SFRP5: variants seen among roughly 807,000 people sequenced by gnomAD.
The protein encoded by SFRP5 is secreted frizzled related protein 5.
In SFRP5, 22 loss-of-function variants were observed where a neutral mutation model predicts 27.0. The observed-to-expected ratio is 0.82, with a 90% CI of 0.58 to 1.17. The LOEUF is 1.17. Among genes scored for constraint, SFRP5 ranks in the 50% most tolerant of loss-of-function variants. SFRP5 has a pLI of 0.00. For synonymous variants in SFRP5, 171 were observed against 195.0 expected (o/e 0.88, Z 1.03); for missense variants, 406 against 436.6 (o/e 0.93, Z 0.63).
rs1564848275 is a variant in SFRP5, at chr10:97,767,783, G to A, written c.685C>T (p.Leu229=). 1.3e-6 allele frequency: 2 copies of A among 1,561,776 alleles called. No individual in the cohort carries two copies. The highest frequency in any genetic ancestry group is 4.5e-5 in the East Asian group (2 of 44,350). The part of the protein sequence containing the change: ...KLIGAQKKKK[L]LKPGPLKRKD... ...CGCTTCAGGGGGCCCGGCTTGAGCA[G>A]CTTCTTCTTTTTCTGGGCTCCAATC... Residue 229 remains leucine (L), a synonymous_variant, in exon 3 of 3, where the codon CTG becomes TTG. Coordinates refer to ENST00000266066, the MANE Select transcript of SFRP5 (RefSeq NM_003015.3).
chr10:97,769,467 A>G (rs1321500945), intron 2 of SFRP5, among the ~76,000 whole-genome samples: 1 of 152,204 alleles, frequency 6.6e-6, no homozygotes, highest in Non-Finnish European at 1.5e-5. Flanking sequence ...GGGACTTGTG[A>G]TGGTCCTGAG....
At chr10:97,768,974 A>G (rs1360276440) in intron 2 of SFRP5, among the ~76,000 whole-genome samples, 1 of 152,132 alleles carries the variant, frequency 6.6e-6, no homozygotes, top group Non-Finnish European at 1.5e-5. Context: ...ACCCCTTGCA[A>G]TAGCAGTATT....
In SFRP5 at chr10:97,771,692, A is replaced by C; in HGVS notation, c.142T>G (p.Ser48Ala). 6.3e-7 allele frequency: 1 copy of C among 1,599,406 alleles called. No homozygotes were observed. The highest frequency in any genetic ancestry group is 8.5e-7 in the Non-Finnish European group (1 of 1,179,468). The part of the protein sequence containing the change: ...QAEPLHGRSY[S>A]KPPQCLDIPA... ...ATGTCAAGGCACTGCGGCGGCTTGG[A>C]GTAGGAGCGGCCGTGCAGCGGCTCG... Residue 48 changes from serine (S) to alanine (A), a missense_variant, in exon 1 of 3, where the codon TCC becomes GCC. Coordinates refer to ENST00000266066, the MANE Select transcript of SFRP5 (RefSeq NM_003015.3). This position sits in a 1 kb window ranked among gnomAD's most constrained non-coding sequence, Gnocchi z 5.2.
rs766490404 is a variant in SFRP5, at chr10:97,771,587, C to T, written c.247G>A (p.Ala83Thr). The T allele has an allele frequency of 3.1e-6, 5 of 1,611,748 alleles. No homozygotes were observed. The Admixed American group carries it at 8.3e-5, about 27-fold the overall frequency. The stretch of plus-strand genomic sequence containing the variant: ...CTGCTCGCCTGCTGCTTCACTTCGG[C>T]CAGGCTCTCGTGCTCCAGCAGGTTG... ...LPNLLEHESLAEVKQQASSWL... is the reference protein window; with the variant it reads ...LPNLLEHESLTEVKQQASSWL... Residue 83 changes from alanine (A) to threonine (T), a missense_variant, in exon 1 of 3, where the codon GCC becomes ACC. Coordinates refer to ENST00000266066, the MANE Select transcript of SFRP5 (RefSeq NM_003015.3). This position sits in a 1 kb window ranked among gnomAD's most constrained non-coding sequence, Gnocchi z 5.2.
Position 97,771,518 on chromosome 10 carries a change from C to T in SFRP5, c.316G>A (p.Val106Ile). The change falls in exon 1 of 3, where the codon GTC (valine) becomes ATC (isoleucine). Residue 106 changes from valine to isoleucine, a missense_variant. Coordinates refer to ENST00000266066, the MANE Select transcript of SFRP5 (RefSeq NM_003015.3). This position sits in a 1 kb window ranked among gnomAD's most constrained non-coding sequence, Gnocchi z 5.2. Reference protein sequence around the residue: ...LAKRCHSDTQVFLCSLFAPVC... With the variant: ...LAKRCHSDTQIFLCSLFAPVC... Reference sequence around the variant, plus strand: ...GGCGCAAAGAGCGAGCACAGGAAGACCTGCGTATCCGAGTGGCAGCGCTTG... The same window carrying T: ...GGCGCAAAGAGCGAGCACAGGAAGATCTGCGTATCCGAGTGGCAGCGCTTG... The T allele has an allele frequency of 1.2e-6, 2 of 1,610,204 alleles. No homozygotes were observed. Among genetic ancestry groups the T allele is most frequent in the Non-Finnish European group, 1.7e-6 (2 of 1,177,200 alleles).
intron 2 of SFRP5, among the ~76,000 whole-genome samples, chr10:97,768,497 T>A (rs2049497900): frequency 6.6e-6 from 1 of 152,150 alleles, no homozygotes; most frequent in Non-Finnish European, 1.5e-5. Flanking sequence ...ACTGACCGCA[T>A]GACTGGGTGT....
intron 1 of SFRP5, among the ~76,000 whole-genome samples, chr10:97,770,008 T>C (rs1210623375): frequency 6.6e-6 from 1 of 152,326 alleles, no homozygotes; most frequent in South Asian, 2.1e-4. Context: ...GCAGCCATGA[T>C]GTGCATTGTC....
chr10:97,768,222 C>A (rs1307279175), intron 2 of SFRP5, among the ~76,000 whole-genome samples: 2 of 151,962 alleles, frequency 1.3e-5, no homozygotes, highest in African/African-American at 2.4e-5. Context: ...GTGGATGGGA[C>A]TGGGGCCGAC....
chr10:97,768,859 A>C (rs2049499908), intron 2 of SFRP5, among the ~76,000 whole-genome samples: 1 of 152,104 alleles, frequency 6.6e-6, no homozygotes, highest in Admixed American at 6.5e-5. Context: ...GCCAGGGAGA[A>C]GTCAGAGAAT....
intron 2 of SFRP5, among the ~76,000 whole-genome samples, chr10:97,768,381 G>T (rs1383660754): frequency 6.6e-6 from 1 of 152,148 alleles, no homozygotes; most frequent in African/African-American, 2.4e-5. Context: ...CACGGTGAGT[G>T]TGGTTGGAAC....
chr10:97,767,458 G>T lies in SFRP5; in HGVS notation c.*56C>A. The T allele has an allele frequency of 7.2e-7, 1 of 1,380,926 alleles. No individual in the cohort carries two copies. Among genetic ancestry groups the T allele is most frequent in the African/African-American group, 1.4e-5 (1 of 69,572 alleles). 85.5% of individuals were successfully genotyped at this position (1,380,926 alleles called of 1,614,324 possible). A position where few individuals can be genotyped will look rare whatever the true frequency, so the allele number is the denominator to read the frequency against. ...GTAGGGCCGGGTCAGCCTGGAAGTT[G>T]GGGCGGGGCCAGAGGGCAAGCAAGG... On this transcript the variant is annotated 3_prime_UTR_variant, in exon 3 of 3. Coordinates refer to ENST00000266066, the MANE Select transcript of SFRP5 (RefSeq NM_003015.3).
rs1213092053 is a variant in SFRP5, at chr10:97,771,533, G to C, written c.301C>G (p.His101Asp). 1 of 1,610,630 alleles carries C rather than the reference G, an allele frequency of 6.2e-7. No homozygotes were observed. Among genetic ancestry groups the C allele is most frequent in the South Asian group, 1.1e-5 (1 of 90,960 alleles). The change falls in exon 1 of 3, where the codon CAC becomes GAC. Residue 101 changes from histidine to aspartate, a missense_variant. Coordinates refer to ENST00000266066, the MANE Select transcript of SFRP5 (RefSeq NM_003015.3). This position sits in a 1 kb window ranked among gnomAD's most constrained non-coding sequence, Gnocchi z 5.2. The part of the protein sequence containing the change: ...SWLPLLAKRC[H>D]SDTQVFLCSL... ...CACAGGAAGACCTGCGTATCCGAGT[G>C]GCAGCGCTTGGCCAGCAGCGGCAGC... is the stretch of plus-strand genomic sequence containing the variant.
chr10:97,771,527 C>T lies in SFRP5; in HGVS notation c.307G>A (p.Asp103Asn), dbSNP rs143647630. 6.5e-3 allele frequency: 10,539 copies of T among 1,610,364 alleles called. 58 individuals carry two copies. Among genetic ancestry groups the T allele is most frequent in the Non-Finnish European group, 8.2e-3 (9,655 of 1,177,278 alleles). Residue 103 changes from aspartate to asparagine, a missense_variant, in exon 1 of 3, where the codon GAT becomes AAT. By Grantham distance (23) the Asp-to-Asn change is conservative. Coordinates refer to ENST00000266066, the MANE Select transcript of SFRP5 (RefSeq NM_003015.3). This position sits in a 1 kb window ranked among gnomAD's most constrained non-coding sequence, Gnocchi z 5.2. ...AGCGAGCACAGGAAGACCTGCGTAT[C>T]CGAGTGGCAGCGCTTGGCCAGCAGC... ...LPLLAKRCHS[D>N]TQVFLCSLFA...
chr10:97,769,459 G>A (rs1258935628), intron 2 of SFRP5, among the ~76,000 whole-genome samples: 1 of 152,248 alleles, frequency 6.6e-6, no homozygotes. Flanking sequence ...GGCCTTAGGG[G>A]ACTTGTGATG....
At chr10:97,769,384 A>C (rs1365590629) in intron 2 of SFRP5, among the ~76,000 whole-genome samples, 1 of 152,232 alleles carries the variant, frequency 6.6e-6, no homozygotes, top group Non-Finnish European at 1.5e-5. Flanking sequence ...GGGCCCTCTG[A>C]AAATGACACC....
chr10:97,771,175 G>T lies in SFRP5; in HGVS notation c.529+130C>A. On this transcript the variant is annotated intron_variant, in intron 1 of 2. Coordinates refer to ENST00000266066, the MANE Select transcript of SFRP5 (RefSeq NM_003015.3). The surrounding 1 kb of genome is among the most constrained non-coding windows in gnomAD (Gnocchi z 5.2). ...GGGATAATTCCGGGGACGCTGGGCT[G>T]AGCTAGGACAGCGTGTGTGTGTGTG... is the stretch of plus-strand genomic sequence containing the variant. The T allele has an allele frequency of 1.6e-6, 1 of 626,304 alleles. No individual in the cohort carries two copies. The highest frequency in any genetic ancestry group is 2.7e-6 in the Non-Finnish European group (1 of 366,288). 38.8% of individuals were successfully genotyped at this position (626,304 alleles called of 1,614,324 possible). A position where few individuals can be genotyped will look rare whatever the true frequency, so the allele number is the denominator to read the frequency against.
intron 1 of SFRP5, among the ~76,000 whole-genome samples, chr10:97,770,589 G>C (rs1214354138): frequency 3.3e-5 from 5 of 152,198 alleles, no homozygotes; most frequent in Non-Finnish European, 7.3e-5. Context: ...TCATGAGCCT[G>C]GGATGGCTTC....
chr10:97,767,375 C>A lies in SFRP5; in HGVS notation c.*139G>T, dbSNP rs534040023. 3,620 of 655,654 alleles carry A rather than the reference C, an allele frequency of 5.5e-3. 22 individuals are homozygous for A. The highest frequency in any genetic ancestry group is 7.8e-3 in the Non-Finnish European group (3,051 of 392,572). The allele number at this position is 655,654 out of a possible 1,614,324, so 40.6% of individuals were successfully genotyped here. A position where few individuals can be genotyped will look rare whatever the true frequency, so the allele number is the denominator to read the frequency against. ...CCTGGGTCAAAAAGGACAGCCTGGG[C>A]TCCGTGCCCATCCCTTAGGCCTTGT... is the stretch of plus-strand genomic sequence containing the variant. On this transcript the variant is annotated 3_prime_UTR_variant, in exon 3 of 3. Transcript: ENST00000266066.
rs1387256305 is a variant in SFRP5 at position 97,771,435 on chromosome 10, G to A, written c.399C>T (p.Ala133=). Residue 133 remains alanine, a synonymous_variant, in exon 1 of 3, where the codon GCC becomes GCT. Transcript: ENST00000266066. The surrounding 1 kb of genome is among the most constrained non-coding windows in gnomAD (Gnocchi z 5.2). ...AGGCCTCCATGAGCGGCGCGCAGCCGGCGCGCACGGCCTCGCACAGCGAGC... is the reference window on the plus strand; with the variant it reads ...AGGCCTCCATGAGCGGCGCGCAGCCAGCGCGCACGGCCTCGCACAGCGAGC... ...PCRSLCEAVR[A]GCAPLMEAYG... 1.3e-5 allele frequency: 21 copies of A among 1,612,662 alleles called. No individual in the cohort carries two copies. Among genetic ancestry groups the A allele is most frequent in the East Asian group, 2.2e-5 (1 of 44,830 alleles).
Sources: allele counts gnomAD v4.1 joint callset (sites outside exome capture counted in the v4.1 genomes callset), GRCh38; gene constraint gnomAD v4.1.1; non-coding constraint Gnocchi (gnomAD v3.1); transcripts MANE v1.5; gene names NCBI Gene and HGNC (gene_info 2026-07-23, HGNC 2026-07-21).